CLTCL1: variants seen among roughly 807,000 people sequenced by gnomAD.
CLTCL1 encodes clathrin heavy chain 2.
A neutral mutation model predicts 190.0 loss-of-function variants in CLTCL1; 159 were observed. That is an observed-to-expected ratio of 0.84 (90% confidence interval 0.74 to 0.95). CLTCL1 has a LOEUF of 0.95. Ranked by LOEUF, CLTCL1 falls within the 40% of genes least tolerant of loss-of-function variation. CLTCL1 has a pLI of 0.00. For missense variants in CLTCL1, 1,878 were observed against 2,033.4 expected (o/e 0.92, Z 1.47); for synonymous variants, 752 against 769.6 (o/e 0.98, Z 0.38).
At chr22:19,180,651 C>T in intron 31 of CLTCL1, 80 bp downstream of exon 31, 2 of 1,438,646 alleles carry the variant, frequency 1.4e-6, no homozygotes, top group Non-Finnish European at 1.9e-6. Flanking sequence ...CATCCAAAGC[C>T]CAGCCAGGTA....
chr22:19,243,883 G>C (rs1436561225), intron 3 of CLTCL1, among the ~76,000 whole-genome samples: 2 of 151,814 alleles, frequency 1.3e-5, no homozygotes, highest in African/African-American at 4.8e-5. Context: ...ATTTTTAGTA[G>C]AGACGGGGTT....
intron 29 of CLTCL1, chr22:19,183,943 C>T (rs577509936): frequency 8.0e-4 from 325 of 403,966 alleles, no homozygotes; most frequent in Middle Eastern, 3.8e-3. Context: ...GGGGCTGCTG[C>T]AGAGGTGCTG....
chr22:19,235,510 CTG>C (rs1334575380), intron 6 of CLTCL1, among the ~76,000 whole-genome samples, 184 bp downstream of exon 6: 1 of 152,140 alleles, frequency 6.6e-6, no homozygotes, highest in East Asian at 1.9e-4. Context: ...GGAATCAATC[CTG>C]TGTTAGGAAT....
In CLTCL1 at chr22:19,201,443, G is replaced by A. The variant is rs1338995389; in HGVS notation, c.3651C>T (p.Leu1217=). ...EEGMYEAAKL[L]YSNVSNFARL... is the part of the protein sequence containing the mutation. Reference sequence around the variant, plus strand: ...GGGCAAAGTTAGAAACATTGCTATAGAGCAGCTTGGCAGCCTCGTACATTC... The same window carrying A: ...GGGCAAAGTTAGAAACATTGCTATAAAGCAGCTTGGCAGCCTCGTACATTC... The change falls in exon 23 of 33, where the codon CTC becomes CTT. Residue 1217 remains leucine (L), a synonymous_variant. Transcript: ENST00000427926. 1 of 1,613,904 alleles carries A rather than the reference G, an allele frequency of 6.2e-7. No individual in the cohort carries two copies. Among genetic ancestry groups the A allele is most frequent in the Non-Finnish European group, 8.5e-7 (1 of 1,179,816 alleles).
At chr22:19,230,427 G>A (rs782025762) in intron 10 of CLTCL1, among the ~76,000 whole-genome samples, 22 of 151,880 alleles carry the variant, frequency 1.4e-4, no homozygotes, top group African/African-American at 4.4e-4. Context: ...TTCTGTCATC[G>A]CAATTCACAT....
intron 27 of CLTCL1, among the ~76,000 whole-genome samples, chr22:19,189,803 T>C (rs1341092377): frequency 1.3e-5 from 2 of 152,228 alleles, no homozygotes; most frequent in Non-Finnish European, 1.5e-5. Flanking sequence ...TGCATATTAA[T>C]TGGGCATATG....
chr22:19,256,025 G>C (rs573510540), intron 2 of CLTCL1, among the ~76,000 whole-genome samples: 132 of 152,034 alleles, frequency 8.7e-4, no homozygotes, highest in African/African-American at 3.1e-3. Flanking sequence ...GAAAGTAAAG[G>C]CTTAAATAAA....
intron 3 of CLTCL1, among the ~76,000 whole-genome samples, chr22:19,251,343 T>C (rs190886541): frequency 1.1e-4 from 16 of 152,322 alleles, no homozygotes; most frequent in African/African-American, 3.6e-4. Context: ...CTTGTTCAAT[T>C]TGTTTATTAG....
At chr22:19,247,813 G>C (rs1202879755) in intron 3 of CLTCL1, among the ~76,000 whole-genome samples, 1 of 151,802 alleles carries the variant, frequency 6.6e-6, no homozygotes, top group African/African-American at 2.4e-5. Context: ...CTCCTGCCTT[G>C]GCCTCCCAAA....
intron 9 of CLTCL1, 88 bp from the exon 10 acceptor site, chr22:19,232,686 G>C: frequency 1.3e-6 from 2 of 1,486,102 alleles, no homozygotes; most frequent in Non-Finnish European, 9.0e-7. Context: ...TTTTAAACTC[G>C]TGTTAACAAA....
At chr22:19,216,533 C>T (rs1239961925) in intron 18 of CLTCL1, among the ~76,000 whole-genome samples, 1 of 152,234 alleles carries the variant, frequency 6.6e-6, no homozygotes, top group Non-Finnish European at 1.5e-5. Flanking sequence ...AAATGAATGT[C>T]TCCTTTTAGA....
In CLTCL1 at chr22:19,193,044, G is replaced by C. The variant is rs563471132; in HGVS notation, c.4192-1609C>G. On this transcript the variant is annotated intron_variant, in intron 26 of 32. Transcript: ENST00000427926. ...GGGACTCAAGTTCATCTTCTGTGGC[G>C]AATCACCTCCTCAAAGCCCCACCTG... is the stretch of plus-strand genomic sequence containing the variant. Among the ~76,000 whole-genome samples the C allele has an allele frequency of 2.0e-5, 3 of 152,196 alleles. No individual in the cohort carries two copies. In the East Asian group the frequency reaches 5.8e-4, roughly 29 times the overall value.
chr22:19,287,469 TGGGAAGAA>T (rs2087947563), intron 1 of CLTCL1, among the ~76,000 whole-genome samples: 3 of 152,124 alleles, frequency 2.0e-5, no homozygotes, highest in Non-Finnish European at 4.4e-5. Flanking sequence ...GGTGTTGGGC[TGGGAAGAA>T]CAGGAAAGAG....
chr22:19,223,605 C>T (rs1453247592), intron 14 of CLTCL1, among the ~76,000 whole-genome samples: 1 of 152,228 alleles, frequency 6.6e-6, no homozygotes, highest in African/African-American at 2.4e-5. Context: ...GTTTCTGCAG[C>T]TTTGCCTGCC....
chr22:19,212,339 T>G (rs1398480426), intron 19 of CLTCL1, among the ~76,000 whole-genome samples: 2 of 146,496 alleles, frequency 1.4e-5, no homozygotes, highest in African/African-American at 2.5e-5. Flanking sequence ...GTGGGAGGAG[T>G]GCTTGAACCT....
In CLTCL1 at chr22:19,225,622, AT is replaced by A; in HGVS notation, c.1958del (p.Asn653IlefsTer67). ...CCTCCACCGATAAGGAGCCAAAGAA[AT>A]TGACAAGCCACTGGGAACAAGGAAG... ...THLLNPEWLV[N>X]FFGSLSVEDS... On this transcript the variant is annotated frameshift_variant, in exon 13 of 33. Coordinates refer to ENST00000427926, the MANE Select transcript of CLTCL1 (RefSeq NM_007098.4). LOFTEE classifies it high-confidence loss of function. 6.4e-7 allele frequency: 1 copy of A among 1,567,464 alleles called. No individual in the cohort carries two copies. The highest frequency in any genetic ancestry group is 8.6e-7 in the Non-Finnish European group (1 of 1,156,766).
intron 22 of CLTCL1, among the ~76,000 whole-genome samples, chr22:19,203,892 C>G (rs1412812553): frequency 6.6e-6 from 1 of 152,228 alleles, no homozygotes; most frequent in Non-Finnish European, 1.5e-5. Flanking sequence ...TGACTGCCCA[C>G]ACCCCCAAGC....
intron 22 of CLTCL1, among the ~76,000 whole-genome samples, chr22:19,205,570 A>C (rs529911680): frequency 8.9e-4 from 135 of 152,334 alleles, no homozygotes; most frequent in Non-Finnish European, 1.6e-3. Flanking sequence ...TTATTTGCAT[A>C]ATCATGCTGC....
In CLTCL1 at chr22:19,254,100, C is replaced by A; in HGVS notation, c.378G>T (p.Ala126=). 1 of 1,612,884 alleles carries A rather than the reference C, an allele frequency of 6.2e-7. No homozygotes were observed. Among genetic ancestry groups the A allele is most frequent in the Non-Finnish European group, 8.5e-7 (1 of 1,179,370 alleles). ...VNTVALVTET[A]VYHWSMEGDS... ...CACCTTCCATGCTCCAGTGGTAGACCGCGGTCTCGGTCACCAAGGCAACAG... is the reference window on the plus strand; with the variant it reads ...CACCTTCCATGCTCCAGTGGTAGACAGCGGTCTCGGTCACCAAGGCAACAG... The change falls in exon 3 of 33, where the codon GCG becomes GCT. Residue 126 remains alanine (A), a synonymous_variant. Coordinates refer to ENST00000427926, the MANE Select transcript of CLTCL1 (RefSeq NM_007098.4).
Sources: gnomAD v4.1 joint callset for allele counts (sites outside exome capture counted in the v4.1 genomes callset) on GRCh38, gnomAD v4.1.1 for gene constraint, MANE v1.5 for transcripts, NCBI Gene and HGNC (gene_info 2026-07-23, HGNC 2026-07-21) for gene names.